The following CLEC16A variants were observed in gnomAD, a reference collection of about 807,000 sequenced individuals.
CLEC16A encodes protein CLEC16A.
In CLEC16A, 51 loss-of-function variants were observed where a neutral mutation model predicts 109.5. That is an observed-to-expected ratio of 0.47 (90% confidence interval 0.37 to 0.59). The LOEUF is 0.59. Ranked by LOEUF, CLEC16A falls within the 20% of genes least tolerant of loss-of-function variation. The probability of loss-of-function intolerance (pLI) is 0.00; values close to 1 mark genes in which losing one functional copy is unlikely to be tolerated. For synonymous variants in CLEC16A, 673 were observed against 564.2 expected, an observed-to-expected ratio of 1.19 and a Z score of -2.73; for missense variants, 1,339 against 1,394.0, an observed-to-expected ratio of 0.96 and a Z score of 0.63.
chr16:10,954,428 C>A lies in CLEC16A; in HGVS notation c.81-3354C>A, dbSNP rs1312685912. 1.3e-5 allele frequency among the ~76,000 whole-genome samples: 2 copies of A among 152,182 alleles called. No homozygotes were observed. Among genetic ancestry groups the A allele is most frequent in the African/African-American group, 2.4e-5 (1 of 41,440 alleles). On this transcript the variant is annotated intron_variant, in intron 1 of 23. Coordinates refer to ENST00000409790, the MANE Select transcript of CLEC16A (RefSeq NM_015226.3). The surrounding 1 kb of genome is among the most constrained non-coding windows in gnomAD (Gnocchi z 4.2). Reference sequence around the variant, plus strand: ...TGGTAGTTACTAGGTCTTTTTCCCCCAGAAATTATTTAATAAGGGCAACAA... The same window carrying A: ...TGGTAGTTACTAGGTCTTTTTCCCCAAGAAATTATTTAATAAGGGCAACAA...
rs115219165 is a variant in CLEC16A at position 11,175,924 on chromosome 16, G to A, written c.2807-2411G>A. ...AGCAAAGAGAGAAAACACTTACATC[G>A]AAATTTTAAGAAAACGTGAAGGTAA... is the stretch of plus-strand genomic sequence containing the variant. On this transcript the variant is annotated intron_variant, in intron 23 of 23. Transcript: ENST00000409790. 7.3e-3 allele frequency among the ~76,000 whole-genome samples: 1,108 copies of A among 152,308 alleles called. 13 individuals carry two copies. Among genetic ancestry groups the A allele is most frequent in the African/African-American group, 0.025 (1,054 of 41,556 alleles).
chr16:11,070,404 A>T (rs2049006769), intron 19 of CLEC16A: 1 of 148,850 alleles, frequency 6.7e-6, no homozygotes, highest in Non-Finnish European at 1.5e-5. Context: ...ATGGGATCTC[A>T]CTATGTTGCC....
At chr16:10,976,927 G>A (rs1179217305) in intron 7 of CLEC16A, among the ~76,000 whole-genome samples, 4 of 152,226 alleles carry the variant, frequency 2.6e-5, no homozygotes, top group Non-Finnish European at 5.9e-5. Context: ...GGGAGCCAGG[G>A]GATCTTGCCA....
chr16:11,044,062 A>C lies in CLEC16A; in HGVS notation c.1805A>C (p.His602Pro). The C allele has an allele frequency of 6.2e-7, 1 of 1,608,864 alleles. No homozygotes were observed. Among genetic ancestry groups the C allele is most frequent in the Middle Eastern group, 1.7e-4 (1 of 6,044 alleles). Residue 602 changes from histidine to proline, a missense_variant, in exon 16 of 24, where the codon CAT becomes CCT. Transcript: ENST00000409790. ...GAAGAAAGTGTTCACCTTGTACGACATTTTTATAAGGTAATTGGCAGAGCA... is the reference window on the plus strand; with the variant it reads ...GAAGAAAGTGTTCACCTTGTACGACCTTTTTATAAGGTAATTGGCAGAGCA... Reference protein sequence around the residue: ...AREESVHLVRHFYKGEDIFLD... With the variant: ...AREESVHLVRPFYKGEDIFLD...
chr16:11,127,599 G>A (rs918807690), intron 22 of CLEC16A, among the ~76,000 whole-genome samples: 4 of 152,210 alleles, frequency 2.6e-5, no homozygotes, highest in Non-Finnish European at 4.4e-5. Flanking sequence ...TGGGCATGGC[G>A]GCTCATGCCA....
chr16:10,997,279 TGAG>T (rs1444659691), intron 10 of CLEC16A, among the ~76,000 whole-genome samples: 4 of 152,228 alleles, frequency 2.6e-5, no homozygotes, highest in African/African-American at 9.6e-5. Context: ...GTTTTTAAAT[TGAG>T]GAATCACATA....
intron 23 of CLEC16A, among the ~76,000 whole-genome samples, chr16:11,169,024 G>A (rs1374758122): frequency 6.6e-6 from 1 of 152,188 alleles, no homozygotes; most frequent in African/African-American, 2.4e-5. Flanking sequence ...GGTGGGCCAG[G>A]GCCTCTCCTC....
chr16:11,067,524 G>A (rs560613187), intron 19 of CLEC16A, among the ~76,000 whole-genome samples: 1 of 152,304 alleles, frequency 6.6e-6, no homozygotes, highest in African/African-American at 2.4e-5. Flanking sequence ...TCGGGGAGTG[G>A]GAGGGTGAAG....
intron 10 of CLEC16A, among the ~76,000 whole-genome samples, chr16:11,001,481 C>G (rs1339580209): frequency 6.6e-6 from 1 of 152,096 alleles, no homozygotes; most frequent in Non-Finnish European, 1.5e-5. Flanking sequence ...TTGGCAAGCC[C>G]CAGTAAGCCC....
chr16:11,095,235 T>C (rs2050538258), intron 19 of CLEC16A, among the ~76,000 whole-genome samples: 1 of 152,162 alleles, frequency 6.6e-6, no homozygotes, highest in African/African-American at 2.4e-5. Flanking sequence ...GTCGTGCTTT[T>C]AGAGCAAGAA....
At chr16:11,062,061 C>T (rs975575483) in intron 19 of CLEC16A, among the ~76,000 whole-genome samples, 14 of 152,156 alleles carry the variant, frequency 9.2e-5, no homozygotes, top group African/African-American at 3.1e-4. Context: ...GGCACATGAC[C>T]ATCCCTGAAC....
chr16:11,042,085 G>T (rs980856042), intron 14 of CLEC16A, 169 bp from the exon 15 acceptor site: 17 of 575,696 alleles, frequency 3.0e-5, no homozygotes, highest in Non-Finnish European at 5.3e-5. Context: ...TAACTGATGG[G>T]GAATGGTTTG....
Position 11,081,681 on chromosome 16 carries a change from T to C in CLEC16A, c.2116+20659T>C, listed in dbSNP as rs146646726. On this transcript the variant is annotated intron_variant, in intron 19 of 23. Transcript: ENST00000409790. ...CCAAGCCAGGAGAGCATAGGGGTTCTCTCCAGCCAATTTGAGCCAGGAGGA... is the reference window on the plus strand; with the variant it reads ...CCAAGCCAGGAGAGCATAGGGGTTCCCTCCAGCCAATTTGAGCCAGGAGGA... Among the ~76,000 whole-genome samples the C allele has an allele frequency of 1.4e-3, 220 of 152,242 alleles. 1 individual carries two copies. The highest frequency in any genetic ancestry group is 0.01 in the Middle Eastern group (3 of 294).
At chr16:10,955,911 A>G (rs2041962419) in intron 1 of CLEC16A, among the ~76,000 whole-genome samples, 1 of 152,178 alleles carries the variant, frequency 6.6e-6, no homozygotes, top group African/African-American at 2.4e-5. Context: ...AGTCCAATTC[A>G]ATGGGTCTGG....
rs72650688 is a variant in CLEC16A at position 11,178,430 on chromosome 16, G to A, written c.2902G>A (p.Val968Met). Residue 968 changes from valine to methionine, a missense_variant, in exon 24 of 24, where the codon GTG (valine) becomes ATG (methionine). By Grantham distance (21) the Val-to-Met change is conservative. Coordinates refer to ENST00000409790, the MANE Select transcript of CLEC16A (RefSeq NM_015226.3). This position sits in a 1 kb window ranked among gnomAD's most constrained non-coding sequence, Gnocchi z 6.5. Reference sequence around the variant, plus strand: ...AGCAGACTCTAAGCCCAGCAAGAACGTGGCCAGGAGCGCAGCCGTGGAGAC... The same window carrying A: ...AGCAGACTCTAAGCCCAGCAAGAACATGGCCAGGAGCGCAGCCGTGGAGAC... ...TEADSKPSKN[V>M]ARSAAVETAS... 6,164 of 1,613,612 alleles carry A rather than the reference G, an allele frequency of 3.8e-3. 29 individuals are homozygous for A. Among genetic ancestry groups the A allele is most frequent in the Non-Finnish European group, 3.9e-3 (4,651 of 1,179,890 alleles).
chr16:11,166,269 C>T, intron 22 of CLEC16A, 119 bp from the exon 23 acceptor site: 1 of 1,146,792 alleles, frequency 8.7e-7, no homozygotes, highest in Non-Finnish European at 1.2e-6. Context: ...CAGCCTGTTC[C>T]AGGGAACAGA....
At chr16:11,042,005 G>A in intron 14 of CLEC16A, 1 of 472,198 alleles carries the variant, frequency 2.1e-6, no homozygotes, top group East Asian at 3.7e-5. Context: ...TCTTTTTCCT[G>A]CACCCTGTCA....
At chr16:11,120,338 G>A (rs1237320742) in intron 19 of CLEC16A, among the ~76,000 whole-genome samples, 2 of 152,222 alleles carry the variant, frequency 1.3e-5, no homozygotes, top group African/African-American at 4.8e-5. Context: ...GATGCTTTAT[G>A]TACTTTATAT....
chr16:11,096,674 C>T (rs2050625897), intron 19 of CLEC16A, among the ~76,000 whole-genome samples: 1 of 152,146 alleles, frequency 6.6e-6, no homozygotes, highest in African/African-American at 2.4e-5. Context: ...TTTTTCACTC[C>T]AGGCCTTATG....
Sources: allele counts gnomAD v4.1 joint callset (sites outside exome capture counted in the v4.1 genomes callset), GRCh38; gene constraint gnomAD v4.1.1; non-coding constraint Gnocchi (gnomAD v3.1); transcripts MANE v1.5; gene names NCBI Gene and HGNC (gene_info 2026-07-23, HGNC 2026-07-21).